TET1: variants seen among roughly 807,000 people sequenced by gnomAD.
TET1 encodes the protein tet methylcytosine dioxygenase 1, also known as methylcytosine dioxygenase TET1.
A neutral mutation model predicts 148.7 loss-of-function variants in TET1; 13 were observed. That is an observed-to-expected ratio of 0.09 (90% CI 0.06 to 0.14). The LOEUF is 0.14. TET1 is among the 10% of genes least tolerant of loss of function. The pLI is 1.00. For synonymous variants in TET1, 907 were observed against 937.2 expected (o/e 0.97, Z 0.59); for missense variants, 2,182 against 2,553.8 (o/e 0.85, Z 3.14).
In TET1 at chr10:68,682,823, C is replaced by A; in HGVS notation, c.4915-13C>A. 6.2e-7 allele frequency: 1 copy of A among 1,610,962 alleles called. No homozygotes were observed. The highest frequency in any genetic ancestry group is 2.2e-5 in the East Asian group (1 of 44,816). ...CTCTCTCTTAAGATTGTGCTCCATGCTTTCTTTTCTAGGTGGAATATGAAA... is the reference window on the plus strand; with the variant it reads ...CTCTCTCTTAAGATTGTGCTCCATGATTTCTTTTCTAGGTGGAATATGAAA... On this transcript the variant is annotated splice_polypyrimidine_tract_variant and intron_variant, in intron 9 of 11. Coordinates refer to ENST00000373644, the MANE Select transcript of TET1 (RefSeq NM_030625.3).
chr10:68,671,824 A>G, intron 7 of TET1, among the ~76,000 whole-genome samples: 1 of 152,142 alleles, frequency 6.6e-6, no homozygotes, highest in African/African-American at 2.4e-5. Context: ...TCTGTCACCC[A>G]GGCTGGAGTG....
chr10:68,561,675 T>C (rs1013797947), intron 1 of TET1, among the ~76,000 whole-genome samples: 5 of 150,516 alleles, frequency 3.3e-5, no homozygotes, highest in East Asian at 2.0e-4. Flanking sequence ...AATGCTCTCC[T>C]CTCTCTCTGT....
At chr10:68,626,999 G>T (rs921647910) in intron 3 of TET1, among the ~76,000 whole-genome samples, 9 of 152,198 alleles carry the variant, frequency 5.9e-5, no homozygotes, top group African/African-American at 1.2e-4. Context: ...TTGGATGGGC[G>T]TATTGGCTCA....
In TET1 at chr10:68,686,431, C is replaced by T. The variant is rs1477776685; in HGVS notation, c.5128C>T (p.Leu1710Phe). The change falls in exon 11 of 12, where the codon CTT (leucine) becomes TTT (phenylalanine). Residue 1710 changes from leucine (L) to phenylalanine (F), a missense_variant. Physicochemically the swap from Leu to Phe is conservative, Grantham distance 22 (BLOSUM62 0). Around this residue, in one of 11 missense-constraint regions of TET1, gnomAD observed 380 missense variants for 387.9 expected, o/e 0.98. Transcript: ENST00000373644. ...AGATGAGCAGCTCCATGTGCTACCT[C>T]TTTATAAGCTTTCAGACACAGATGA... The part of the protein sequence containing the change: ...PQDEQLHVLP[L>F]YKLSDTDEFG... 1.9e-6 allele frequency: 3 copies of T among 1,614,122 alleles called. No homozygotes were observed. Among genetic ancestry groups the T allele is most frequent in the African/African-American group, 1.3e-5 (1 of 75,024 alleles).
Position 68,681,978 on chromosome 10 carries a change from A to AAC in TET1, c.4914+490_4914+491insAC, listed in dbSNP as rs1554812839. Among the ~76,000 whole-genome samples, 642 of 150,344 alleles carry AAC rather than the reference A, an allele frequency of 4.3e-3. 3 individuals are homozygous for AAC. Among genetic ancestry groups the AAC allele is most frequent in the African/African-American group, 0.015 (611 of 40,978 alleles). ...GCAAGACTCTGTCTCAAAAAAAAAA[A>AAC]CAAAAAAAACCAGTCATTGTTAATA... is the stretch of plus-strand genomic sequence containing the variant. On this transcript the variant is annotated intron_variant, in intron 9 of 11. Transcript: ENST00000373644.
intron 3 of TET1, among the ~76,000 whole-genome samples, chr10:68,604,424 G>A (rs1317785800): frequency 6.6e-6 from 1 of 152,168 alleles, no homozygotes; most frequent in African/African-American, 2.4e-5. Flanking sequence ...TCTAATGAAG[G>A]CAGAGCTATT....
At chr10:68,592,604 C>T (rs1256624865) in intron 2 of TET1, among the ~76,000 whole-genome samples, 2 of 133,198 alleles carry the variant, frequency 1.5e-5, no homozygotes, top group Middle Eastern at 4.3e-3. Context: ...TTGTATCTCC[C>T]CATGGCCCCT....
chr10:68,584,799 A>G (rs1260282552), intron 2 of TET1, among the ~76,000 whole-genome samples: 1 of 151,504 alleles, frequency 6.6e-6, no homozygotes, highest in Non-Finnish European at 1.5e-5. Context: ...CCAAAACAAC[A>G]TTGTATTAGT....
At chr10:68,638,765 TTGTGTGTGTGTGTG>T (rs59106736) in intron 3 of TET1, among the ~76,000 whole-genome samples, 8,057 of 140,908 alleles carry the variant, frequency 0.057, 624 homozygotes, top group African/African-American at 0.18. Context: ...TGTATGGAGT[TTGTGTGTGTGTGTG>T]TGTGTGTGTG....
Position 68,573,035 on chromosome 10 carries a change from T to C in TET1, c.697T>C (p.Leu233=). ...CGEGLFSEET[L]NDTSGSPKMF... is the part of the protein sequence containing the mutation. Reference sequence around the variant, plus strand: ...TGAAGGACTATTCTCTGAAGAGACATTGAATGATACCAGTGGTTCCCCAAA... The same window carrying C: ...TGAAGGACTATTCTCTGAAGAGACACTGAATGATACCAGTGGTTCCCCAAA... The change falls in exon 2 of 12, where the codon TTG becomes CTG. Residue 233 remains leucine, a synonymous_variant. Coordinates refer to ENST00000373644, the MANE Select transcript of TET1 (RefSeq NM_030625.3). 1.2e-6 allele frequency: 2 copies of C among 1,614,144 alleles called. No homozygotes were observed. Among genetic ancestry groups the C allele is most frequent in the Non-Finnish European group, 1.7e-6 (2 of 1,180,030 alleles).
At chr10:68,690,152 G>T (rs2055570128) in intron 11 of TET1, among the ~76,000 whole-genome samples, 1 of 152,090 alleles carries the variant, frequency 6.6e-6, no homozygotes. Flanking sequence ...GTATGTGATT[G>T]TATTACAATA....
At chr10:68,594,007 C>T (rs2053950446) in intron 2 of TET1, among the ~76,000 whole-genome samples, 1 of 135,418 alleles carries the variant, frequency 7.4e-6, no homozygotes, top group African/African-American at 2.8e-5. Context: ...CTCACTGGAA[C>T]CTGTGCCTAC....
intron 6 of TET1, among the ~76,000 whole-genome samples, chr10:68,653,442 T>G (rs992540707): frequency 1.3e-5 from 2 of 152,232 alleles, no homozygotes; most frequent in Non-Finnish European, 2.9e-5. Context: ...GGTCTGACTA[T>G]TCTGGTTTAT....
Position 68,686,645 on chromosome 10 carries a change from T to C in TET1, c.5342T>C (p.Ile1781Thr). 1 of 1,614,152 alleles carries C rather than the reference T, an allele frequency of 6.2e-7. No homozygotes were observed. The highest frequency in any genetic ancestry group is 2.2e-5 in the East Asian group (1 of 44,870). ...GTGGAAAAGAAACCTATTCCCCGAA[T>C]CAAGCGGAAGAATAACTCAACAACA... ...RAVEKKPIPR[I>T]KRKNNSTTTN... Residue 1781 changes from isoleucine (I) to threonine (T), a missense_variant, in exon 11 of 12, where the codon ATC (isoleucine) becomes ACC (threonine). Around this residue, in one of 11 missense-constraint regions of TET1, gnomAD observed 380 missense variants for 387.9 expected, o/e 0.98. Coordinates refer to ENST00000373644, the MANE Select transcript of TET1 (RefSeq NM_030625.3).
At position 68,595,947 on chromosome 10, in the gene TET1, TATATATATATATATACAC is replaced by T. The variant is rs1210207585; in HGVS notation, c.1915-5032_1915-5015del. 4.5e-3 allele frequency among the ~76,000 whole-genome samples: 195 copies of T among 43,420 alleles called. 5 individuals carry two copies. Among genetic ancestry groups the T allele is most frequent in the African/African-American group, 9.3e-3 (116 of 12,418 alleles). 28.5% of individuals were successfully genotyped at this position (43,420 alleles called of 152,430 possible). On this transcript the variant is annotated intron_variant, in intron 2 of 11. Transcript: ENST00000373644. ...ATATATATATATATATATATATATA[TATATATATATATATACAC>T]ACACACACACACATATATACACACA... is the stretch of plus-strand genomic sequence containing the variant.
chr10:68,565,475 AATATATAT>A (rs71019031), intron 1 of TET1, among the ~76,000 whole-genome samples: 1 of 129,224 alleles, frequency 7.7e-6, no homozygotes, highest in Non-Finnish European at 1.6e-5. Context: ...AAAAAAAAAA[AATATATAT>A]ATATATATAT....
chr10:68,612,434 C>A (rs2054230326), intron 3 of TET1, among the ~76,000 whole-genome samples: 1 of 151,954 alleles, frequency 6.6e-6, no homozygotes, highest in Non-Finnish European at 1.5e-5. Flanking sequence ...GGACCCAATT[C>A]TATAATCCCA....
At chr10:68,690,333 C>T (rs964797275) in intron 11 of TET1, among the ~76,000 whole-genome samples, 4 of 152,126 alleles carry the variant, frequency 2.6e-5, no homozygotes, top group African/African-American at 7.2e-5. Context: ...TATGGCCGGG[C>T]GCAGTAGCTC....
chr10:68,573,758 G>A lies in TET1; in HGVS notation c.1420G>A (p.Gly474Arg). The A allele has an allele frequency of 6.2e-7, 1 of 1,614,048 alleles. No homozygotes were observed. Among genetic ancestry groups the A allele is most frequent in the Non-Finnish European group, 8.5e-7 (1 of 1,180,022 alleles). The change falls in exon 2 of 12, where the codon GGA becomes AGA. Residue 474 changes from glycine to arginine, a missense_variant. Around this residue, in one of 11 missense-constraint regions of TET1, gnomAD observed 665 missense variants for 672.4 expected, o/e 0.99. Transcript: ENST00000373644. The stretch of plus-strand genomic sequence containing the variant: ...TATACAGATTTTGCCTTTGGGCTCA[G>A]GACACACTCCTCAATCATCATCAAA... ...GAIQILPLGSGHTPQSSSNSE... is the reference protein window; with the variant it reads ...GAIQILPLGSRHTPQSSSNSE...
Sources: allele counts gnomAD v4.1 joint callset (sites outside exome capture counted in the v4.1 genomes callset), GRCh38; gene constraint gnomAD v4.1.1; regional missense constraint gnomAD v4.1.1; transcripts MANE v1.5; gene names NCBI Gene and HGNC (gene_info 2026-07-23, HGNC 2026-07-21).